PKIG: variants seen among roughly 807,000 people sequenced by gnomAD.
PKIG encodes protein kinase (cAMP-dependent, catalytic) inhibitor gamma.
Under a neutral mutation model 6.8 loss-of-function variants are expected in PKIG, and 1 was observed. The observed-to-expected ratio is 0.15, with a 90% CI of 0.05 to 0.69. PKIG has a LOEUF of 0.69. PKIG is among the 30% of genes least tolerant of loss of function. The pLI, the probability that PKIG is intolerant of heterozygous loss-of-function variation, is 0.82. For missense variants in PKIG, 77 were observed against 104.0 expected, an observed-to-expected ratio of 0.74 and a Z score of 1.13; for synonymous variants, 39 against 43.0, an observed-to-expected ratio of 0.91 and a Z score of 0.36.
At chr20:44,605,464 T>C (rs1671253876) in intron 2 of PKIG, among the ~76,000 whole-genome samples, 1 of 149,592 alleles carries the variant, frequency 6.7e-6, no homozygotes, top group South Asian at 2.1e-4. Flanking sequence ...CAGTTTTGTA[T>C]GTAACAATGA....
At chr20:44,538,673 C>T (rs1406845411) in intron 1 of PKIG, among the ~76,000 whole-genome samples, 1 of 152,150 alleles carries the variant, frequency 6.6e-6, no homozygotes, top group Non-Finnish European at 1.5e-5. Flanking sequence ...CCTCCTTTCC[C>T]CCCTGTAGTC....
chr20:44,558,624 CTTTT>C (rs1475167993), intron 1 of PKIG, among the ~76,000 whole-genome samples: 3 of 136,602 alleles, frequency 2.2e-5, no homozygotes, highest in Admixed American at 7.8e-5. Context: ...CTCATTCTTT[CTTTT>C]TCATTCTTTC....
chr20:44,547,725 A>T (rs140260662), intron 1 of PKIG, among the ~76,000 whole-genome samples: 1 of 152,146 alleles, frequency 6.6e-6, no homozygotes, highest in Non-Finnish European at 1.5e-5. Flanking sequence ...AAAAATGGGA[A>T]TAGTAATAAC....
upstream of PKIG, among the ~76,000 whole-genome samples, chr20:44,578,723 C>G: frequency 6.6e-6 from 1 of 152,210 alleles, no homozygotes; most frequent in East Asian, 1.9e-4. Context: ...ATTATTCAGC[C>G]TCAGGTATTC....
At chr20:44,558,574 TTTTCTTTC>T (rs11377687) in intron 1 of PKIG, among the ~76,000 whole-genome samples, 1,425 of 131,982 alleles carry the variant, frequency 0.011, 10 homozygotes, top group African/African-American at 0.017. Flanking sequence ...TTTTTTTCTT[TTTTCTTTC>T]TTTCTTTCTT....
chr20:44,580,596 C>T (rs1349298857), upstream of PKIG, among the ~76,000 whole-genome samples: 3 of 152,138 alleles, frequency 2.0e-5, no homozygotes, highest in Admixed American at 2.0e-4. Context: ...AATCCACCCA[C>T]CTCGGCCTCC....
intron 3 of PKIG, among the ~76,000 whole-genome samples, chr20:44,616,988 G>A (rs898013952): frequency 3.9e-5 from 6 of 152,238 alleles, no homozygotes; most frequent in African/African-American, 1.4e-4. Context: ...ATTGGAGGAG[G>A]TTAAATTTGG....
intron 1 of PKIG, among the ~76,000 whole-genome samples, chr20:44,567,951 G>T (rs900935066): frequency 6.6e-6 from 1 of 152,144 alleles, no homozygotes; most frequent in Non-Finnish European, 1.5e-5. Flanking sequence ...TTTGAGATCA[G>T]CCTGGGCAAC....
At chr20:44,535,662 G>A (rs944950161) in intron 1 of PKIG, among the ~76,000 whole-genome samples, 5 of 152,054 alleles carry the variant, frequency 3.3e-5, no homozygotes, top group Non-Finnish European at 4.4e-5. Flanking sequence ...ACAGTTAGGT[G>A]GGAGCTATAT....
chr20:44,616,168 T>G (rs866137889), intron 3 of PKIG, among the ~76,000 whole-genome samples: 22 of 152,242 alleles, frequency 1.4e-4, no homozygotes, highest in Middle Eastern at 6.8e-3. Context: ...TGGGTTCTCT[T>G]CATTCTTAGA....
intron 2 of PKIG, among the ~76,000 whole-genome samples, chr20:44,609,648 G>T (rs1372485636): frequency 6.6e-6 from 1 of 152,246 alleles, no homozygotes; most frequent in Non-Finnish European, 1.5e-5. Flanking sequence ...TGGCTCAGCT[G>T]CCAGGATTAG....
At position 44,539,327 on chromosome 20, in the gene PKIG, TAAATC is replaced by T. The variant is rs1479287559; in HGVS notation, c.-241+7352_-241+7356del. Among the ~76,000 whole-genome samples the T allele has an allele frequency of 5.9e-5, 9 of 152,266 alleles. No individual in the cohort carries two copies. In the East Asian group the frequency reaches 1.7e-3, roughly 29 times the overall value. On this transcript the variant is annotated intron_variant, in intron 1 of 4. Transcript: ENST00000372887. ...GTATTAGACCTGATTGATGATCTCT[TAAATC>T]AAGCTTGTCCAATCCGCAGCCTGTG...
intron 1 of PKIG, among the ~76,000 whole-genome samples, chr20:44,545,330 TTTA>T (rs2064603648): frequency 6.6e-6 from 1 of 151,934 alleles, no homozygotes; most frequent in Non-Finnish European, 1.5e-5. Flanking sequence ...CCTGTTTAGT[TTTA>T]TTATTGTGAT....
chr20:44,548,792 C>T lies in PKIG; in HGVS notation c.-241+16814C>T, dbSNP rs148248647. 2.8e-4 allele frequency among the ~76,000 whole-genome samples: 43 copies of T among 151,456 alleles called. No homozygotes were observed. In the East Asian group the frequency reaches 7.6e-3, roughly 27 times the overall value. ...CTTTTAAGACTTCAAAACACTTTGCCTTCTCCTTAGTACTATAAAGAATTC... is the reference window on the plus strand; with the variant it reads ...CTTTTAAGACTTCAAAACACTTTGCTTTCTCCTTAGTACTATAAAGAATTC... On this transcript the variant is annotated intron_variant, in intron 1 of 4. Coordinates refer to the PKIG transcript ENST00000372887.
chr20:44,616,170 A>G (rs1296868994), intron 3 of PKIG, among the ~76,000 whole-genome samples: 1 of 151,584 alleles, frequency 6.6e-6, no homozygotes, highest in Non-Finnish European at 1.5e-5. Flanking sequence ...GGTTCTCTTC[A>G]TTCTTAGAGA....
At chr20:44,573,554 C>T (rs1172682539) in intron 1 of PKIG, among the ~76,000 whole-genome samples, 1 of 152,210 alleles carries the variant, frequency 6.6e-6, no homozygotes, top group Non-Finnish European at 1.5e-5. Context: ...TGTAAAGGTA[C>T]TTTCTGGACT....
chr20:44,605,974 T>C (rs912372928), intron 2 of PKIG, among the ~76,000 whole-genome samples: 4 of 152,138 alleles, frequency 2.6e-5, no homozygotes, highest in African/African-American at 9.7e-5. Flanking sequence ...GGAAGACATT[T>C]CTAATTATGT....
intron 1 of PKIG, among the ~76,000 whole-genome samples, chr20:44,556,761 A>G (rs1352068548): frequency 1.3e-5 from 2 of 152,046 alleles, no homozygotes; most frequent in Non-Finnish European, 2.9e-5. Context: ...GGGTTGATAG[A>G]TATTTGTTGG....
chr20:44,599,254 A>G (rs1396150618), intron 2 of PKIG, among the ~76,000 whole-genome samples: 2 of 151,714 alleles, frequency 1.3e-5, no homozygotes, highest in African/African-American at 4.8e-5. Flanking sequence ...ATACTAATTC[A>G]CTCCCCTGCT....
Sources: gnomAD v4.1 joint callset for allele counts (sites outside exome capture counted in the v4.1 genomes callset) on GRCh38, gnomAD v4.1.1 for gene constraint, MANE v1.5 for transcripts, NCBI Gene and HGNC (gene_info 2026-07-23, HGNC 2026-07-21) for gene names.